BCAM: variants seen among roughly 807,000 people sequenced by gnomAD.
The protein encoded by BCAM is basal cell adhesion molecule.
In BCAM, 61 loss-of-function variants were observed where a neutral mutation model predicts 72.4. The ratio of observed to expected loss-of-function variants is 0.84; its 90% CI spans 0.69 to 1.04. The LOEUF (loss-of-function observed/expected upper bound fraction) is 1.04, where lower values mean the gene tolerates loss of function less well. Ranked by LOEUF, BCAM falls within the 50% of genes least tolerant of loss-of-function variation. The pLI is 0.00. For synonymous variants in BCAM, 408 were observed against 384.2 expected (o/e 1.06, Z -0.73); for missense variants, 909 against 895.0 (o/e 1.02, Z -0.20).
intron 1 of BCAM, among the ~76,000 whole-genome samples, chr19:44,810,354 G>C (rs1450150164): frequency 6.6e-6 from 1 of 152,208 alleles, no homozygotes; most frequent in African/African-American, 2.4e-5. Context: ...GGGCCAAGAG[G>C]CGGCTGGGGG....
intron 8 of BCAM, among the ~76,000 whole-genome samples, chr19:44,815,805 G>T (rs1031464857): frequency 1.3e-5 from 2 of 151,938 alleles, no homozygotes; most frequent in Non-Finnish European, 2.9e-5. Flanking sequence ...AGGAGTTTGA[G>T]GCCAGCCTGG....
chr19:44,819,428 G>A lies in BCAM; in HGVS notation c.1556G>A (p.Gly519Asp). The A allele has an allele frequency of 6.2e-7, 1 of 1,614,060 alleles. No individual in the cohort carries two copies. The highest frequency in any genetic ancestry group is 8.5e-7 in the Non-Finnish European group (1 of 1,179,946). Reference protein sequence around the residue: ...LKVTSALSRDGISCEASNPHG... With the variant: ...LKVTSALSRDDISCEASNPHG... The stretch of plus-strand genomic sequence containing the variant: ...GTGACCAGCGCCCTGAGCCGCGATG[G>A]CATCTCCTGTGAAGCCTCCAACCCC... Residue 519 changes from glycine (G) to aspartate (D), a missense_variant, in exon 12 of 15, where the codon GGC becomes GAC. Gly to Asp is a moderately conservative substitution (Grantham distance 94). Transcript: ENST00000270233.
At chr19:44,820,456 G>A (rs770613713) in intron 13 of BCAM, 130 of 1,236,336 alleles carry the variant, frequency 1.1e-4, no homozygotes, top group Non-Finnish European at 1.3e-4. Context: ...ATCCCAGACC[G>A]ATCCCAAAGC....
In BCAM at chr19:44,820,842, C is replaced by T; in HGVS notation, c.1881+20C>T. On this transcript the variant is annotated intron_variant, in intron 14 of 14. Transcript: ENST00000270233. Reference sequence around the variant, plus strand: ...GACGAGGTGGGTGAGGGCCTGGGCCCCCTGGTGAGAGGGACCTGCTGGGCA... The same window carrying T: ...GACGAGGTGGGTGAGGGCCTGGGCCTCCTGGTGAGAGGGACCTGCTGGGCA... The T allele has an allele frequency of 6.6e-7, 1 of 1,524,986 alleles. No individual in the cohort carries two copies. Among genetic ancestry groups the T allele is most frequent in the East Asian group, 2.5e-5 (1 of 40,590 alleles). The allele number at this position is 1,524,986 out of a possible 1,614,324, so 94.5% of individuals were successfully genotyped here.
In BCAM at chr19:44,814,853, C is replaced by A; in HGVS notation, c.1078+93C>A. The A allele has an allele frequency of 7.5e-7, 1 of 1,333,540 alleles. No homozygotes were observed. The highest frequency in any genetic ancestry group is 1.7e-5 in the South Asian group (1 of 57,262). 82.6% of individuals were successfully genotyped at this position (1,333,540 alleles called of 1,614,324 possible). Reference sequence around the variant, plus strand: ...TACAGCCCTGAAGTTGCTCTGTCATCCCAAACACTCTGCCTTCAACCCTTT... The same window carrying A: ...TACAGCCCTGAAGTTGCTCTGTCATACCAAACACTCTGCCTTCAACCCTTT... On this transcript the variant is annotated intron_variant, in intron 8 of 14. Transcript: ENST00000270233. The surrounding 1 kb of genome is among the most constrained non-coding windows in gnomAD (Gnocchi z 4.6).
Position 44,814,830 on chromosome 19 carries a change from C to T in BCAM, c.1078+70C>T. 6.7e-7 allele frequency: 1 copy of T among 1,501,326 alleles called. No individual in the cohort carries two copies. Among genetic ancestry groups the T allele is most frequent in the South Asian group, 1.3e-5 (1 of 76,510 alleles). The allele number at this position is 1,501,326 out of a possible 1,614,324, so 93.0% of individuals were successfully genotyped here. A position where few individuals can be genotyped will look rare whatever the true frequency, so the allele number is the denominator to read the frequency against. On this transcript the variant is annotated intron_variant, in intron 8 of 14. Transcript: ENST00000270233. The surrounding 1 kb of genome is among the most constrained non-coding windows in gnomAD (Gnocchi z 4.6). The stretch of plus-strand genomic sequence containing the variant: ...CAGTGCCTCTGCGCCCTCCTCCCTA[C>T]AGCCCTGAAGTTGCTCTGTCATCCC...
At position 44,814,689 on chromosome 19, in the gene BCAM, G is replaced by A. The variant is rs1968479197; in HGVS notation, c.1007G>A (p.Gly336Asp). 6.2e-7 allele frequency: 1 copy of A among 1,614,052 alleles called. No individual in the cohort carries two copies. The highest frequency in any genetic ancestry group is 2.2e-5 in the East Asian group (1 of 44,870). The change falls in exon 8 of 15, where the codon GGC becomes GAC. Residue 336 changes from glycine (G) to aspartate (D), a missense_variant. By Grantham distance (94) the Gly-to-Asp change is moderately conservative. Transcript: ENST00000270233. This position sits in a 1 kb window ranked among gnomAD's most constrained non-coding sequence, Gnocchi z 4.6. ...ACCCGGGGCCAGAGCGGGACCTATG[G>A]CTGCAGAGTGGAGGATTACGACGCG... ...GVTRGQSGTY[G>D]CRVEDYDAAD...
chr19:44,812,053 A>G lies in BCAM; in HGVS notation c.205-110A>G. On this transcript the variant is annotated intron_variant, in intron 2 of 14. Transcript: ENST00000270233. The surrounding 1 kb of genome is among the most constrained non-coding windows in gnomAD (Gnocchi z 5.3). ...GACAGAGGGACCAGGGAGACCCATA[A>G]CAAGAGGAAAAGAGGCAGAGCCAGG... 3 of 1,070,576 alleles carry G rather than the reference A, an allele frequency of 2.8e-6. No homozygotes were observed. Among genetic ancestry groups the G allele is most frequent in the Non-Finnish European group, 1.3e-6 (1 of 743,112 alleles). 66.3% of individuals were successfully genotyped at this position (1,070,576 alleles called of 1,614,324 possible). A position where few individuals can be genotyped will look rare whatever the true frequency, so the allele number is the denominator to read the frequency against.
chr19:44,820,096 C>A (rs537523197), intron 13 of BCAM: 1 of 1,122,470 alleles, frequency 8.9e-7, no homozygotes, highest in Non-Finnish European at 1.1e-6. Context: ...AATCTCCCCT[C>A]AACTCCAATC....
At chr19:44,819,977 C>T (rs1252314798) in intron 13 of BCAM, 2 of 1,339,546 alleles carry the variant, frequency 1.5e-6, no homozygotes, top group Admixed American at 6.8e-5. Context: ...ATCCCCAAAC[C>T]CATCCCCAAG....
chr19:44,813,374 G>A lies in BCAM; in HGVS notation c.601+28G>A, dbSNP rs745774815. On this transcript the variant is annotated intron_variant, in intron 5 of 14. Coordinates refer to ENST00000270233, the MANE Select transcript of BCAM (RefSeq NM_005581.5). The surrounding 1 kb of genome is among the most constrained non-coding windows in gnomAD (Gnocchi z 4.2). ...GAGCAGCGCAGGAGCGCGGCGGGAC[G>A]TGGGCTGGGGTGGGTGGCGGGGCTA... is the stretch of plus-strand genomic sequence containing the variant. The A allele has an allele frequency of 7.5e-6, 12 of 1,610,226 alleles. No individual in the cohort carries two copies. Among genetic ancestry groups the A allele is most frequent in the African/African-American group, 2.7e-5 (2 of 74,876 alleles).
rs539979844 is a variant in BCAM at position 44,818,107 on chromosome 19, A to G, written c.1079-415A>G. ...CAGGAGTTTGAGACCCAGCCTGGCC[A>G]ACATAGCAACACCTTGTCTCTATTC... On this transcript the variant is annotated intron_variant, in intron 8 of 14. Transcript: ENST00000270233. The surrounding 1 kb of genome is among the most constrained non-coding windows in gnomAD (Gnocchi z 4.6). 2.2e-4 allele frequency among the ~76,000 whole-genome samples: 33 copies of G among 152,224 alleles called. No individual in the cohort carries two copies. The highest frequency in any genetic ancestry group is 1.5e-4 in the Non-Finnish European group (10 of 68,036).
Position 44,818,661 on chromosome 19 carries a change from G to C in BCAM, c.1194+24G>C, listed in dbSNP as rs770973186. The C allele has an allele frequency of 3.1e-6, 5 of 1,611,920 alleles. No individual in the cohort carries two copies. Among genetic ancestry groups the C allele is most frequent in the Non-Finnish European group, 3.4e-6 (4 of 1,178,444 alleles). On this transcript the variant is annotated intron_variant, in intron 9 of 14. Transcript: ENST00000270233. This position sits in a 1 kb window ranked among gnomAD's most constrained non-coding sequence, Gnocchi z 4.6. ...AGGTGAGAGGGAGAGGAGCCCCCTCGGGCCCTGCACTCGCACCCTCCTCTC... is the reference window on the plus strand; with the variant it reads ...AGGTGAGAGGGAGAGGAGCCCCCTCCGGCCCTGCACTCGCACCCTCCTCTC...
intron 1 of BCAM, 63 bp downstream of exon 1, chr19:44,809,269 G>C: frequency 1.5e-6 from 2 of 1,320,902 alleles, no homozygotes; most frequent in Non-Finnish European, 2.0e-6. Context: ...CCGGGAAAGC[G>C]AGGAGAAAGG....
chr19:44,817,904 A>G (rs1269442974), intron 8 of BCAM, among the ~76,000 whole-genome samples: 1 of 152,150 alleles, frequency 6.6e-6, no homozygotes, highest in Non-Finnish European at 1.5e-5. Context: ...GACAAGAGGG[A>G]GGAGCAGGCT....
chr19:44,814,139 G>A lies in BCAM; in HGVS notation c.785-13G>A, dbSNP rs377344719. On this transcript the variant is annotated splice_polypyrimidine_tract_variant and intron_variant, in intron 6 of 14. Transcript: ENST00000270233. The surrounding 1 kb of genome is among the most constrained non-coding windows in gnomAD (Gnocchi z 4.6). ...CCCTGATCACAATTCCCATCTCCCT[G>A]CCCTTCCCTTAGATCCCACGGAGCA... The A allele has an allele frequency of 6.3e-5, 99 of 1,573,738 alleles. No individual in the cohort carries two copies. The highest frequency in any genetic ancestry group is 8.3e-5 in the Non-Finnish European group (97 of 1,167,522).
intron 13 of BCAM, 24 bp from the exon 14 acceptor site, chr19:44,820,681 C>G: frequency 1.4e-6 from 2 of 1,399,502 alleles, no homozygotes; most frequent in Non-Finnish European, 9.3e-7. Context: ...CACGACGCCT[C>G]CGCCCGCTGC....
chr19:44,818,883 G>A lies in BCAM; in HGVS notation c.1336+1G>A. On this transcript the variant is annotated splice_donor_variant, in intron 10 of 14. Coordinates refer to ENST00000270233, the MANE Select transcript of BCAM (RefSeq NM_005581.5). LOFTEE classifies it high-confidence loss of function. This position sits in a 1 kb window ranked among gnomAD's most constrained non-coding sequence, Gnocchi z 4.6. ...CAGAACTTCACGCTGCTGGTCCAAG[G>A]TTCAGGGGGCAGGGAGGGGGTGGGC... 6.2e-7 allele frequency: 1 copy of A among 1,613,546 alleles called. No homozygotes were observed. The highest frequency in any genetic ancestry group is 8.5e-7 in the Non-Finnish European group (1 of 1,179,748).
In BCAM at chr19:44,820,742, G is replaced by C; in HGVS notation, c.1801G>C (p.Glu601Gln). The change falls in exon 14 of 15, where the codon GAG becomes CAG. Residue 601 changes from glutamate (E) to glutamine (Q), a missense_variant. Transcript: ENST00000270233. ...GEPGLSHSGS[E>Q]QPEQTGLLMG... Reference sequence around the variant, plus strand: ...GCCAGGGCTGAGCCACTCGGGGTCGGAGCAACCAGAGCAGACCGGCCTTCT... The same window carrying C: ...GCCAGGGCTGAGCCACTCGGGGTCGCAGCAACCAGAGCAGACCGGCCTTCT... 1 of 1,460,718 alleles carries C rather than the reference G, an allele frequency of 6.8e-7. No individual in the cohort carries two copies. The highest frequency in any genetic ancestry group is 9.1e-7 in the Non-Finnish European group (1 of 1,099,344). 90.5% of individuals were successfully genotyped at this position (1,460,718 alleles called of 1,614,324 possible).
Sources: allele counts gnomAD v4.1 joint callset (sites outside exome capture counted in the v4.1 genomes callset), GRCh38; gene constraint gnomAD v4.1.1; non-coding constraint Gnocchi (gnomAD v3.1); transcripts MANE v1.5; gene names NCBI Gene and HGNC (gene_info 2026-07-23, HGNC 2026-07-21).